Variants in OPCML observed in about 807,000 individuals in gnomAD.
OPCML encodes opioid-binding protein/cell adhesion molecule.
In OPCML, 13 loss-of-function variants were observed where a neutral mutation model predicts 37.8. The ratio of observed to expected loss-of-function variants is 0.34; its 90% CI spans 0.22 to 0.55. OPCML has a LOEUF of 0.55. Ranked by LOEUF, OPCML falls within the 20% of genes least tolerant of loss-of-function variation. The pLI is 0.91. For synonymous variants in OPCML, 176 were observed against 168.8 expected, an observed-to-expected ratio of 1.04 and a Z score of -0.33; for missense variants, 341 against 435.6, an observed-to-expected ratio of 0.78 and a Z score of 1.93.
intron 1 of OPCML, among the ~76,000 whole-genome samples, chr11:133,091,564 AAAG>A (rs542062187): frequency 1.3e-5 from 2 of 152,340 alleles, no homozygotes; most frequent in Admixed American, 6.5e-5. Context: ...ACATAGGGTC[AAAG>A]AAGATTACTC....
chr11:133,329,353 C>CA (rs1244802478), intron 1 of OPCML, among the ~76,000 whole-genome samples: 4 of 152,058 alleles, frequency 2.6e-5, no homozygotes, highest in Admixed American at 6.6e-5. Context: ...CATATGGCAC[C>CA]AAAAAAGAGC....
intron 1 of OPCML, among the ~76,000 whole-genome samples, chr11:133,030,851 TC>T (rs1221803001): frequency 1.1e-4 from 17 of 152,188 alleles, no homozygotes; most frequent in African/African-American, 4.1e-4. Flanking sequence ...ATCCAAGCAT[TC>T]CATCGTCCTT....
Position 133,247,540 on chromosome 11 carries a change from T to TTTTCTTTCTTCCTTTCTTTC in OPCML, c.61+284723_61+284724insGAAAGAAAGGAAGAAAGAAA, listed in dbSNP as rs1419012669. ...CTTTTTTCTTTCTTTCTTTCCTTCT[T>TTTTCTTTCTTCCTTTCTTTC]TTTCTTTCTTTCTTTCTTTCTTTCT... On this transcript the variant is annotated intron_variant, in intron 1 of 7. Transcript: ENST00000524381. Among the ~76,000 whole-genome samples, 461 of 122,454 alleles carry TTTTCTTTCTTCCTTTCTTTC rather than the reference T, an allele frequency of 3.8e-3. 2 individuals are homozygous for TTTTCTTTCTTCCTTTCTTTC. Among genetic ancestry groups the TTTTCTTTCTTCCTTTCTTTC allele is most frequent in the Middle Eastern group, 8.3e-3 (2 of 240 alleles). The allele number at this position is 122,454 out of a possible 152,430, so 80.3% of individuals were successfully genotyped here.
At chr11:133,459,819 C>T (rs1418741121) in intron 1 of OPCML, among the ~76,000 whole-genome samples, 1 of 152,082 alleles carries the variant, frequency 6.6e-6, no homozygotes, top group Non-Finnish European at 1.5e-5. Flanking sequence ...AACAACCAGA[C>T]AGAAGATCAA....
chr11:133,326,625 G>C (rs1374816270), intron 1 of OPCML, among the ~76,000 whole-genome samples: 2 of 138,996 alleles, frequency 1.4e-5, no homozygotes, highest in South Asian at 5.1e-4. Context: ...CAGAGTGTGG[G>C]TGGGTGTATG....
intron 2 of OPCML, among the ~76,000 whole-genome samples, chr11:132,667,529 A>AG: frequency 6.6e-6 from 1 of 152,224 alleles, no homozygotes. Context: ...TGCAGGAGAA[A>AG]GGGGATAACT....
chr11:133,156,066 G>A (rs945463102), intron 1 of OPCML, among the ~76,000 whole-genome samples: 2 of 152,098 alleles, frequency 1.3e-5, no homozygotes, highest in Admixed American at 6.5e-5. Context: ...TGCCGTTAAC[G>A]AATCTTTATG....
chr11:132,868,919 C>T (rs1478312292), intron 2 of OPCML, among the ~76,000 whole-genome samples: 2 of 152,188 alleles, frequency 1.3e-5, no homozygotes, highest in Admixed American at 1.3e-4. Context: ...CAAATTTACC[C>T]TCAGGACAGG....
chr11:132,483,116 GA>G (rs1223272189), intron 4 of OPCML, among the ~76,000 whole-genome samples: 1 of 141,604 alleles, frequency 7.1e-6, no homozygotes, highest in East Asian at 2.0e-4. Flanking sequence ...ATTAGGAAAA[GA>G]GGAAGTCAAA....
At chr11:133,115,482 C>T (rs1054298446) in intron 1 of OPCML, among the ~76,000 whole-genome samples, 2 of 151,926 alleles carry the variant, frequency 1.3e-5, no homozygotes, top group African/African-American at 2.4e-5. Context: ...TATCTGAAGT[C>T]GAATGTGATT....
chr11:133,234,511 G>A (rs1940427848), intron 1 of OPCML, among the ~76,000 whole-genome samples: 1 of 152,244 alleles, frequency 6.6e-6, no homozygotes, highest in Non-Finnish European at 1.5e-5. Context: ...GTCTTGCAGA[G>A]GACTTTTCTT....
chr11:132,570,533 G>T (rs1402997717), intron 3 of OPCML, among the ~76,000 whole-genome samples: 1 of 151,610 alleles, frequency 6.6e-6, no homozygotes, highest in East Asian at 1.9e-4. Flanking sequence ...CTTAAAGGTA[G>T]CCCTTAAAAT....
intron 1 of OPCML, among the ~76,000 whole-genome samples, chr11:133,488,395 A>G (rs1417212096): frequency 6.6e-6 from 1 of 152,142 alleles, no homozygotes; most frequent in Non-Finnish European, 1.5e-5. Context: ...CTTATATTAG[A>G]TAAACAAATT....
At chr11:132,891,034 A>G (rs947912975) in intron 2 of OPCML, among the ~76,000 whole-genome samples, 1 of 152,132 alleles carries the variant, frequency 6.6e-6, no homozygotes, top group African/African-American at 2.4e-5. Flanking sequence ...CCCACATGGT[A>G]GTAGTATGCA....
At chr11:132,635,325 A>G (rs1940419674) in intron 3 of OPCML, among the ~76,000 whole-genome samples, 2 of 152,218 alleles carry the variant, frequency 1.3e-5, no homozygotes, top group African/African-American at 2.4e-5. Flanking sequence ...ATTATTTCCA[A>G]TTCGATTCCT....
intron 1 of OPCML, among the ~76,000 whole-genome samples, chr11:133,104,578 G>T (rs1040173392): frequency 6.6e-6 from 1 of 152,192 alleles, no homozygotes; most frequent in African/African-American, 2.4e-5. Flanking sequence ...ATTAAAACAT[G>T]AACTCAGAGT....
chr11:132,716,271 G>A (rs187332577), intron 2 of OPCML, among the ~76,000 whole-genome samples: 15 of 152,186 alleles, frequency 9.9e-5, no homozygotes, highest in African/African-American at 2.7e-4. Flanking sequence ...GCTCAGAAGC[G>A]CTATCCAGGA....
intron 2 of OPCML, among the ~76,000 whole-genome samples, chr11:132,712,895 C>A (rs995981826): frequency 6.6e-6 from 1 of 152,234 alleles, no homozygotes; most frequent in Non-Finnish European, 1.5e-5. Flanking sequence ...TGCTAGCCCA[C>A]GTCGGCTTAA....
chr11:132,977,651 T>C (rs1946493261), intron 1 of OPCML, among the ~76,000 whole-genome samples: 1 of 152,228 alleles, frequency 6.6e-6, no homozygotes, highest in African/African-American at 2.4e-5. Flanking sequence ...TGGGAGTTAC[T>C]GTACCCAGCC....
Sources: allele counts gnomAD v4.1 joint callset (sites outside exome capture counted in the v4.1 genomes callset), GRCh38; gene constraint gnomAD v4.1.1; transcripts MANE v1.5; gene names NCBI Gene and HGNC (gene_info 2026-07-23, HGNC 2026-07-21).